EEA1: variants seen among roughly 807,000 people sequenced by gnomAD.
The protein encoded by EEA1 is early endosome antigen 1.
In EEA1, 111 loss-of-function variants were observed where a neutral mutation model predicts 209.2. The ratio of observed to expected loss-of-function variants is 0.53; its 90% CI spans 0.45 to 0.62. The LOEUF (loss-of-function observed/expected upper bound fraction) is 0.62. EEA1 is among the 20% of genes least tolerant of loss of function. The pLI is 0.00. For missense variants in EEA1, 1,343 were observed against 1,530.8 expected (o/e 0.88, Z 2.05); for synonymous variants, 536 against 540.6 (o/e 0.99, Z 0.12).
intron 3 of EEA1, chr12:92,858,188 G>C: frequency 1.5e-6 from 1 of 684,790 alleles, no homozygotes; most frequent in Non-Finnish European, 2.8e-6. Flanking sequence ...TCTGTGACCA[G>C]ATCAGTGAGG....
chr12:92,917,006 G>A (rs1316522094), intron 1 of EEA1, among the ~76,000 whole-genome samples: 2 of 151,508 alleles, frequency 1.3e-5, no homozygotes, highest in East Asian at 1.9e-4. Context: ...AATGGAAGAT[G>A]AAATGAATGA....
At chr12:92,783,868 T>C (rs1448767218) in intron 22 of EEA1, among the ~76,000 whole-genome samples, 2 of 151,914 alleles carry the variant, frequency 1.3e-5, no homozygotes, top group Non-Finnish European at 2.9e-5. Flanking sequence ...AAAACGTAAT[T>C]TAGCAAAGGA....
chr12:92,796,350 T>G (rs1401104751), intron 21 of EEA1, among the ~76,000 whole-genome samples: 1 of 152,136 alleles, frequency 6.6e-6, no homozygotes, highest in Admixed American at 6.5e-5. Flanking sequence ...ATCTTTAGAT[T>G]ACTTACAATA....
chr12:92,835,124 G>A (rs865880494), intron 10 of EEA1, among the ~76,000 whole-genome samples: 107 of 151,830 alleles, frequency 7.0e-4, no homozygotes, highest in African/African-American at 2.5e-3. Context: ...CTCATGATCC[G>A]CCCACCTCGG....
At chr12:92,890,570 C>A (rs1220176206) in intron 2 of EEA1, among the ~76,000 whole-genome samples, 1 of 152,084 alleles carries the variant, frequency 6.6e-6, no homozygotes, top group East Asian at 1.9e-4. Context: ...AGGCACTGCT[C>A]AATACCAATA....
intron 21 of EEA1, among the ~76,000 whole-genome samples, chr12:92,788,893 A>G (rs1045004755): frequency 5.9e-5 from 9 of 152,154 alleles, no homozygotes; most frequent in African/African-American, 2.2e-4. Context: ...ATAACTTCTC[A>G]AAATCTTTTA....
intron 17 of EEA1, among the ~76,000 whole-genome samples, chr12:92,810,951 A>C (rs1042766038): frequency 1.3e-5 from 2 of 152,128 alleles, no homozygotes; most frequent in African/African-American, 4.8e-5. Flanking sequence ...GAAGGAACAG[A>C]AGAGACTTCA....
chr12:92,828,590 T>G (rs1471411135), intron 11 of EEA1, among the ~76,000 whole-genome samples: 1 of 147,536 alleles, frequency 6.8e-6, no homozygotes, highest in Non-Finnish European at 1.5e-5. Flanking sequence ...ATCATATATA[T>G]AGATATATAT....
intron 9 of EEA1, among the ~76,000 whole-genome samples, chr12:92,850,332 C>T (rs11611576): frequency 0.26 from 39,213 of 152,082 alleles, 5,558 homozygotes; most frequent in Non-Finnish European, 0.32. Context: ...AAGGGAAGTT[C>T]TGGACTGAAT....
chr12:92,790,119 A>C (rs1410023069), intron 21 of EEA1, among the ~76,000 whole-genome samples: 1 of 152,204 alleles, frequency 6.6e-6, no homozygotes, highest in Non-Finnish European at 1.5e-5. Context: ...CCAAAACTCC[A>C]CCTGTAGGTC....
intron 3 of EEA1, among the ~76,000 whole-genome samples, chr12:92,863,811 T>C (rs866283460): frequency 4.1e-4 from 62 of 152,164 alleles, no homozygotes; most frequent in African/African-American, 1.5e-3. Context: ...ACTAAAACAC[T>C]AAATGAAAAG....
intron 1 of EEA1, among the ~76,000 whole-genome samples, chr12:92,900,063 A>T (rs1880083747): frequency 6.6e-6 from 1 of 152,072 alleles, no homozygotes; most frequent in Non-Finnish European, 1.5e-5. Context: ...GTCACTGAGG[A>T]CTTTTTTTTT....
chr12:92,838,410 T>C (rs1047928600), intron 10 of EEA1, among the ~76,000 whole-genome samples: 13 of 152,114 alleles, frequency 8.5e-5, no homozygotes, highest in African/African-American at 2.7e-4. Context: ...TTCCAAGAGA[T>C]AGAAGGTAAG....
intron 5 of EEA1, among the ~76,000 whole-genome samples, chr12:92,855,866 G>A (rs984844642): frequency 1.3e-5 from 2 of 152,100 alleles, no homozygotes; most frequent in Admixed American, 6.6e-5. Flanking sequence ...TCTGCTTTCA[G>A]ATACAGAAAA....
Position 92,771,159 on chromosome 12 carries a change from G to A in EEA1, c.*4852C>T, listed in dbSNP as rs1233075066. 6.6e-6 allele frequency: 1 copy of A among 152,068 alleles called. No homozygotes were observed. The highest frequency in any genetic ancestry group is 1.5e-5 in the Non-Finnish European group (1 of 67,976). 9.4% of individuals were successfully genotyped at this position (152,068 alleles called of 1,614,324 possible). On this transcript the variant is annotated 3_prime_UTR_variant, in exon 29 of 29. Coordinates refer to ENST00000322349, the MANE Select transcript of EEA1 (RefSeq NM_003566.4). ...ACTACATTCAAGGAACTAGTTCTTAGGGTCAGATTATTGCATCAAAGGGAA... is the reference window on the plus strand; with the variant it reads ...ACTACATTCAAGGAACTAGTTCTTAAGGTCAGATTATTGCATCAAAGGGAA...
At chr12:92,796,240 G>C (rs889996786) in intron 21 of EEA1, among the ~76,000 whole-genome samples, 10 of 152,002 alleles carry the variant, frequency 6.6e-5, no homozygotes, top group South Asian at 2.1e-4. Context: ...ATTAGATTTT[G>C]AGCAAAGTTG....
rs780683489 is a variant in EEA1 at position 92,842,517 on chromosome 12, T to C, written c.863A>G (p.Gln288Arg). ...KGPQEVAVYV[Q>R]ELQKLKSSVN... Reference sequence around the variant, plus strand: ...TGAACTTTTCAGTTTTTGTAGTTCCTGTACATATACAGCAACTTCCTGGGG... The same window carrying C: ...TGAACTTTTCAGTTTTTGTAGTTCCCGTACATATACAGCAACTTCCTGGGG... Residue 288 changes from glutamine (Q) to arginine (R), a missense_variant, in exon 10 of 29, where the codon CAG becomes CGG. This residue lies in a region of EEA1 where 1,307 missense variants were observed against 1,465.5 expected (regional missense o/e 0.89). Coordinates refer to ENST00000322349, the MANE Select transcript of EEA1 (RefSeq NM_003566.4). 1.2e-6 allele frequency: 2 copies of C among 1,610,022 alleles called. No homozygotes were observed.
intron 1 of EEA1, chr12:92,905,606 A>G (rs570752939): frequency 6.6e-6 from 1 of 152,230 alleles, no homozygotes; most frequent in Admixed American, 6.5e-5. Flanking sequence ...TCTGTCTCAA[A>G]AAAAAAAGAA....
At chr12:92,859,047 T>C in intron 3 of EEA1, 1 of 708,044 alleles carries the variant, frequency 1.4e-6, no homozygotes, top group East Asian at 2.5e-5. Context: ...AGGTCTCTTA[T>C]TCTATTGGAG....
Sources: gnomAD v4.1 joint callset for allele counts (sites outside exome capture counted in the v4.1 genomes callset) on GRCh38, gnomAD v4.1.1 for gene constraint, gnomAD v4.1.1 regional missense constraint, MANE v1.5 for transcripts, NCBI Gene and HGNC (gene_info 2026-07-23, HGNC 2026-07-21) for gene names.